The following CNTRL variants were observed in gnomAD, a reference collection of about 807,000 sequenced individuals.
CNTRL encodes centriolin.
A neutral mutation model predicts 303.7 loss-of-function variants in CNTRL; 233 were observed. The ratio of observed to expected loss-of-function variants is 0.77; its 90% CI spans 0.69 to 0.86. CNTRL has a LOEUF of 0.86. CNTRL is among the 40% of genes least tolerant of loss of function. The pLI is 0.00. For missense variants in CNTRL, 2,524 were observed against 2,650.6 expected (o/e 0.95, Z 1.05); for synonymous variants, 900 against 922.2 (o/e 0.98, Z 0.44).
intron 1 of CNTRL, among the ~76,000 whole-genome samples, chr9:121,079,144 A>G (rs2048042960): frequency 6.6e-6 from 1 of 152,212 alleles, no homozygotes; most frequent in Non-Finnish European, 1.5e-5. Context: ...GACTAAGACT[A>G]AGTATGTATT....
intron 6 of CNTRL, among the ~76,000 whole-genome samples, chr9:121,097,842 C>G (rs1340539035): frequency 6.6e-6 from 1 of 152,174 alleles, no homozygotes; most frequent in Non-Finnish European, 1.5e-5. Context: ...GCTGCACATT[C>G]ACTTGGGAGA....
chr9:121,105,048 AT>A (rs1472697152), intron 7 of CNTRL, among the ~76,000 whole-genome samples: 1 of 152,142 alleles, frequency 6.6e-6, no homozygotes, highest in African/African-American at 2.4e-5. Flanking sequence ...ATAGGACATC[AT>A]TTTTGATACA....
At chr9:121,099,037 G>A (rs1009079699) in intron 7 of CNTRL, among the ~76,000 whole-genome samples, 3 of 152,148 alleles carry the variant, frequency 2.0e-5, no homozygotes, top group Non-Finnish European at 4.4e-5. Flanking sequence ...AGAGTTAAAC[G>A]TCCCTGACTG....
intron 14 of CNTRL, among the ~76,000 whole-genome samples, chr9:121,129,883 T>A (rs758225644): frequency 2.0e-4 from 30 of 152,262 alleles, no homozygotes; most frequent in Non-Finnish European, 3.7e-4. Context: ...TCTGCATCTA[T>A]TGAGATATCA....
At chr9:121,172,839 T>C (rs1285784918) in intron 40 of CNTRL, among the ~76,000 whole-genome samples, 5 of 152,218 alleles carry the variant, frequency 3.3e-5, no homozygotes, top group Non-Finnish European at 7.3e-5. Context: ...CACTTAGTTT[T>C]TACATTTCTG....
chr9:121,131,681 C>T (rs1269145497), intron 14 of CNTRL, among the ~76,000 whole-genome samples: 1 of 152,138 alleles, frequency 6.6e-6, no homozygotes, highest in Non-Finnish European at 1.5e-5. Flanking sequence ...TGTTATGATG[C>T]TAGCTGGTTA....
At chr9:121,146,355 C>A in intron 23 of CNTRL, 99 bp downstream of exon 23, 1 of 1,212,750 alleles carries the variant, frequency 8.2e-7, no homozygotes, top group Non-Finnish European at 1.2e-6. Context: ...CCAAAAACAA[C>A]ATTTCTATGC....
chr9:121,169,780 T>C lies in CNTRL; in HGVS notation c.6240T>C (p.Leu2080=), dbSNP rs2053231757. 1.2e-6 allele frequency: 2 copies of C among 1,614,028 alleles called. No homozygotes were observed. The highest frequency in any genetic ancestry group is 2.7e-5 in the African/African-American group (2 of 74,908). The change falls in exon 39 of 44, where the codon CTT becomes CTC. Residue 2080 remains leucine (L), a synonymous_variant. Coordinates refer to ENST00000373855, the MANE Select transcript of CNTRL (RefSeq NM_007018.6). ...EKQVASLKEA[L]KIQRSQLEKN... is the part of the protein sequence containing the mutation. ...AGGTGGCCAGCCTGAAGGAAGCACT[T>C]AAGATCCAGCGGAGCCAGCTGGAGA...
intron 7 of CNTRL, among the ~76,000 whole-genome samples, chr9:121,104,912 C>T (rs1051193872): frequency 9.2e-5 from 14 of 152,050 alleles, no homozygotes; most frequent in African/African-American, 2.9e-4. Context: ...ATTTCTCTTA[C>T]GGGGTCAGGC....
intron 25 of CNTRL, among the ~76,000 whole-genome samples, chr9:121,151,290 T>C (rs1423244463): frequency 6.6e-6 from 1 of 152,144 alleles, no homozygotes; most frequent in Non-Finnish European, 1.5e-5. Flanking sequence ...GTAGGTACTG[T>C]AGCTGACTGT....
At chr9:121,135,528 T>G (rs2051137409) in intron 14 of CNTRL, among the ~76,000 whole-genome samples, 1 of 152,234 alleles carries the variant, frequency 6.6e-6, no homozygotes, top group Admixed American at 6.5e-5. Context: ...TTCTTCCTCC[T>G]TATGTTTTTA....
chr9:121,088,170 A>C lies in CNTRL; in HGVS notation c.-31-126A>C, dbSNP rs866066314. 3 of 608,046 alleles carry C rather than the reference A, an allele frequency of 4.9e-6. No homozygotes were observed. The African/African-American group carries it at 5.6e-5, about 11-fold the overall frequency. 37.7% of individuals were successfully genotyped at this position (608,046 alleles called of 1,614,324 possible). On this transcript the variant is annotated intron_variant, in intron 2 of 43. Transcript: ENST00000373855. The stretch of plus-strand genomic sequence containing the variant: ...TACAGTGTCTGCTCCATCAGCTTGG[A>C]GTAGTATGGGTCCTAGCATTTATGG...
At chr9:121,126,093 T>G (rs2050508089) in intron 14 of CNTRL, among the ~76,000 whole-genome samples, 157 bp downstream of exon 14, 1 of 152,140 alleles carries the variant, frequency 6.6e-6, no homozygotes, top group Non-Finnish European at 1.5e-5. Context: ...TTTTTTTTTC[T>G]TCTTTAGCTG....
intron 17 of CNTRL, 136 bp downstream of exon 17, chr9:121,140,922 G>A: frequency 1.3e-6 from 1 of 759,794 alleles, no homozygotes. Context: ...TCCTTATGAA[G>A]TTTTCATGAC....
intron 15 of CNTRL, among the ~76,000 whole-genome samples, chr9:121,137,112 G>A (rs2051242016): frequency 1.3e-5 from 2 of 152,144 alleles, no homozygotes; most frequent in Admixed American, 1.3e-4. Flanking sequence ...GAAAGAGAAT[G>A]AGAGGTAAAG....
chr9:121,076,849 G>T (rs1283598983), intron 1 of CNTRL, among the ~76,000 whole-genome samples: 1 of 152,114 alleles, frequency 6.6e-6, no homozygotes, highest in Non-Finnish European at 1.5e-5. Context: ...AGGTCAGAGG[G>T]TATGGGATGA....
intron 19 of CNTRL, among the ~76,000 whole-genome samples, chr9:121,143,492 C>T (rs1220137403): frequency 6.6e-6 from 1 of 152,128 alleles, no homozygotes; most frequent in Non-Finnish European, 1.5e-5. Flanking sequence ...ATTCTTAAGC[C>T]TACGAGGCCT....
At chr9:121,091,531 T>C (rs757392531) in intron 4 of CNTRL, among the ~76,000 whole-genome samples, 1 of 152,156 alleles carries the variant, frequency 6.6e-6, no homozygotes, top group South Asian at 2.1e-4. Flanking sequence ...TAATGAAAGA[T>C]GTATTTTAAT....
intron 3 of CNTRL, among the ~76,000 whole-genome samples, chr9:121,089,674 AC>A (rs1393074515): frequency 2.0e-5 from 3 of 152,226 alleles, no homozygotes; most frequent in Non-Finnish European, 2.9e-5. Context: ...TTCTAAAAAA[AC>A]AAACAACTAA....
Sources: gnomAD v4.1 joint callset for allele counts (sites outside exome capture counted in the v4.1 genomes callset) on GRCh38, gnomAD v4.1.1 for gene constraint, MANE v1.5 for transcripts, NCBI Gene and HGNC (gene_info 2026-07-23, HGNC 2026-07-21) for gene names.